Variants in KCNH5 observed in about 807,000 individuals in gnomAD.
KCNH5 encodes potassium voltage-gated channel subfamily H member 5.
A neutral mutation model predicts 96.1 loss-of-function variants in KCNH5; 46 were observed. That is an observed-to-expected ratio of 0.48 (90% CI 0.38 to 0.61). The LOEUF is 0.61. Among genes scored for constraint, KCNH5 ranks in the 20% least tolerant of loss-of-function variants. The pLI, the probability that KCNH5 is intolerant of heterozygous loss-of-function variation, is 0.00. For synonymous variants in KCNH5, 439 were observed against 449.8 expected, an observed-to-expected ratio of 0.98 and a Z score of 0.30; for missense variants, 907 against 1,225.8, an observed-to-expected ratio of 0.74 and a Z score of 3.88.
chr14:63,026,311 T>C (rs918653848), intron 1 of KCNH5, among the ~76,000 whole-genome samples: 2 of 152,058 alleles, frequency 1.3e-5, no homozygotes, highest in African/African-American at 2.4e-5. Flanking sequence ...TGAGCAAAGA[T>C]TTTTTGGGTC....
intron 7 of KCNH5, among the ~76,000 whole-genome samples, chr14:62,875,678 TC>T (rs1486146145): frequency 6.6e-6 from 1 of 152,042 alleles, no homozygotes; most frequent in African/African-American, 2.4e-5. Context: ...TCAATCCCAT[TC>T]CTGGGTATAT....
At chr14:62,908,064 T>C (rs1889063728) in intron 7 of KCNH5, among the ~76,000 whole-genome samples, 1 of 152,200 alleles carries the variant, frequency 6.6e-6, no homozygotes, top group African/African-American at 2.4e-5. Flanking sequence ...TAATTATGTA[T>C]ACATACTACA....
At chr14:63,022,013 A>G (rs1891437688) in intron 1 of KCNH5, among the ~76,000 whole-genome samples, 1 of 152,194 alleles carries the variant, frequency 6.6e-6, no homozygotes, top group Non-Finnish European at 1.5e-5. Flanking sequence ...TCATGATTGT[A>G]TATCTCCAAA....
chr14:62,714,927 T>C (rs1884652035), intron 10 of KCNH5, among the ~76,000 whole-genome samples: 1 of 152,216 alleles, frequency 6.6e-6, no homozygotes, highest in South Asian at 2.1e-4. Context: ...CAGGCTACGG[T>C]TCCAGCTACA....
At chr14:62,953,085 A>C (rs1890037388) in intron 6 of KCNH5, among the ~76,000 whole-genome samples, 1 of 151,844 alleles carries the variant, frequency 6.6e-6, no homozygotes. Flanking sequence ...ACACCACTTA[A>C]ACATTATAAA....
chr14:62,777,967 G>C (rs1006830596), intron 10 of KCNH5, among the ~76,000 whole-genome samples: 1 of 152,016 alleles, frequency 6.6e-6, no homozygotes, highest in Admixed American at 6.6e-5. Flanking sequence ...GTGTCACTTG[G>C]TTGTTTGATA....
At chr14:63,026,173 A>G (rs1233232697) in intron 1 of KCNH5, among the ~76,000 whole-genome samples, 1 of 152,032 alleles carries the variant, frequency 6.6e-6, no homozygotes, top group Non-Finnish European at 1.5e-5. Context: ...TCAGAAGAAT[A>G]AAATTAGACG....
intron 9 of KCNH5, among the ~76,000 whole-genome samples, chr14:62,793,116 A>G (rs1453206685): frequency 6.6e-6 from 1 of 151,776 alleles, no homozygotes; most frequent in Non-Finnish European, 1.5e-5. Flanking sequence ...GAAGCAGAGA[A>G]TATAATAGTG....
intron 9 of KCNH5, among the ~76,000 whole-genome samples, chr14:62,799,691 TTATATATATATATATATATATATA>T (rs71410693): frequency 3.4e-5 from 2 of 58,018 alleles, no homozygotes; most frequent in Admixed American, 2.4e-4. Flanking sequence ...GTATATACCT[TTATATATATATATATATATATATA>T]TATATATATA....
intron 7 of KCNH5, among the ~76,000 whole-genome samples, chr14:62,917,279 T>C (rs1889293362): frequency 6.6e-6 from 1 of 152,196 alleles, no homozygotes; most frequent in African/African-American, 2.4e-5. Flanking sequence ...TTGCAAGACC[T>C]GAAATCATGT....
At chr14:62,769,028 TC>T (rs1885926731) in intron 10 of KCNH5, among the ~76,000 whole-genome samples, 1 of 152,202 alleles carries the variant, frequency 6.6e-6, no homozygotes, top group Admixed American at 6.5e-5. Flanking sequence ...ATGACAAACT[TC>T]AGGAATTGTT....
intron 7 of KCNH5, among the ~76,000 whole-genome samples, chr14:62,888,862 T>G (rs568573943): frequency 9.4e-4 from 143 of 152,286 alleles, no homozygotes; most frequent in African/African-American, 3.1e-3. Flanking sequence ...AATTAGAGAA[T>G]TTAGACAAAT....
At chr14:63,003,768 C>T (rs1891074296) in intron 3 of KCNH5, among the ~76,000 whole-genome samples, 1 of 149,930 alleles carries the variant, frequency 6.7e-6, no homozygotes, top group Non-Finnish European at 1.5e-5. Flanking sequence ...TACAAGGCGC[C>T]TGCCACCACG....
At chr14:62,946,064 G>A (rs1318609636) in intron 7 of KCNH5, among the ~76,000 whole-genome samples, 1 of 152,028 alleles carries the variant, frequency 6.6e-6, no homozygotes, top group African/African-American at 2.4e-5. Context: ...GCAAGCATAA[G>A]AAAATTAGGA....
intron 7 of KCNH5, among the ~76,000 whole-genome samples, chr14:62,926,427 C>T (rs1476200526): frequency 1.3e-5 from 2 of 152,126 alleles, no homozygotes; most frequent in African/African-American, 4.8e-5. Flanking sequence ...CGCACACACA[C>T]ACATGCACAC....
In KCNH5 at chr14:62,867,388, C is replaced by A. The variant is rs531501186; in HGVS notation, c.1370-17536G>T. On this transcript the variant is annotated intron_variant, in intron 7 of 10. Coordinates refer to ENST00000322893, the MANE Select transcript of KCNH5 (RefSeq NM_139318.5). ...ACCTTCATCTTCTGATACTTCACACCCCAAAACTCAAGCTCCACAAACATT... is the reference window on the plus strand; with the variant it reads ...ACCTTCATCTTCTGATACTTCACACACCAAAACTCAAGCTCCACAAACATT... Among the ~76,000 whole-genome samples the A allele has an allele frequency of 1.2e-3, 182 of 152,226 alleles. 1 individual carries two copies. Among genetic ancestry groups the A allele is most frequent in the Non-Finnish European group, 1.9e-3 (132 of 68,004 alleles).
intron 7 of KCNH5, among the ~76,000 whole-genome samples, chr14:62,873,137 G>A (rs1473129146): frequency 7.2e-6 from 1 of 138,646 alleles, no homozygotes; most frequent in Non-Finnish European, 1.5e-5. Flanking sequence ...GCGACAGAAC[G>A]AGACTCTGAC....
chr14:62,909,340 C>T (rs1225637290), intron 7 of KCNH5, among the ~76,000 whole-genome samples: 1 of 151,950 alleles, frequency 6.6e-6, no homozygotes, highest in African/African-American at 2.4e-5. Context: ...CCACCGCGCC[C>T]GGCCTATGCT....
intron 3 of KCNH5, among the ~76,000 whole-genome samples, chr14:63,002,804 T>A (rs755519092): frequency 1.3e-5 from 2 of 152,176 alleles, no homozygotes; most frequent in Non-Finnish European, 2.9e-5. Flanking sequence ...AGGGGGCCTA[T>A]GGAAGGACGT....
Sources: allele counts gnomAD v4.1 joint callset (sites outside exome capture counted in the v4.1 genomes callset), GRCh38; gene constraint gnomAD v4.1.1; transcripts MANE v1.5; gene names NCBI Gene and HGNC (gene_info 2026-07-23, HGNC 2026-07-21).